Variants in PHLPP1 observed in about 807,000 individuals in gnomAD.
The protein encoded by PHLPP1 is PH domain leucine-rich repeat-containing protein phosphatase 1.
A neutral mutation model predicts 117.2 loss-of-function variants in PHLPP1; 42 were observed. The ratio of observed to expected loss-of-function variants is 0.36; its 90% CI spans 0.28 to 0.46. PHLPP1 has a LOEUF of 0.46. Among genes scored for constraint, PHLPP1 ranks in the 20% least tolerant of loss-of-function variants. PHLPP1 has a pLI of 1.00. For synonymous variants in PHLPP1, 1,042 were observed against 970.7 expected (o/e 1.07, Z -1.37); for missense variants, 2,084 against 2,241.9 (o/e 0.93, Z 1.42).
At chr18:62,866,960 T>C (rs1340366295) in intron 4 of PHLPP1, among the ~76,000 whole-genome samples, 1 of 152,230 alleles carries the variant, frequency 6.6e-6, no homozygotes, top group African/African-American at 2.4e-5. Context: ...GCTGATTGTC[T>C]TGTTGTCATT....
chr18:62,738,573 G>T (rs1375008752), intron 1 of PHLPP1, among the ~76,000 whole-genome samples: 1 of 152,080 alleles, frequency 6.6e-6, no homozygotes, highest in African/African-American at 2.4e-5. Context: ...TATCTTTTGG[G>T]GTGGGTGGTG....
intron 3 of PHLPP1, 75 bp downstream of exon 3, chr18:62,838,984 C>T (rs963308484): frequency 6.7e-7 from 1 of 1,495,088 alleles, no homozygotes; most frequent in Non-Finnish European, 9.2e-7. Context: ...TTAGCTGGGT[C>T]TAAAATATGG....
chr18:62,940,354 C>CTTTT lies in PHLPP1; in HGVS notation c.2961-1339_2961-1336dup, dbSNP rs66530466. 8.7e-3 allele frequency among the ~76,000 whole-genome samples: 407 copies of CTTTT among 46,912 alleles called. 15 individuals carry two copies. The highest frequency in any genetic ancestry group is 0.022 in the Middle Eastern group (1 of 46). The allele number at this position is 46,912 out of a possible 152,430, so 30.8% of individuals were successfully genotyped here. On this transcript the variant is annotated intron_variant, in intron 10 of 16. Coordinates refer to ENST00000262719, the MANE Select transcript of PHLPP1 (RefSeq NM_194449.4). ...ATCCACGTTTCTTTTTCTTTCTTTT[C>CTTTT]TTTTTTTTTTTTTTTTTTTTTTTTT... is the stretch of plus-strand genomic sequence containing the variant.
At chr18:62,960,728 C>T (rs115662725) in intron 13 of PHLPP1, among the ~76,000 whole-genome samples, 119 of 152,288 alleles carry the variant, frequency 7.8e-4, no homozygotes, top group African/African-American at 2.7e-3. Flanking sequence ...TTTGGTATTA[C>T]ACTCTTCTTA....
chr18:62,877,385 T>A (rs1347279076), intron 4 of PHLPP1, among the ~76,000 whole-genome samples: 2 of 152,244 alleles, frequency 1.3e-5, no homozygotes, highest in Non-Finnish European at 2.9e-5. Context: ...TTGATCGATT[T>A]AAACAGCAGC....
At chr18:62,972,119 G>A (rs553539270) in intron 14 of PHLPP1, among the ~76,000 whole-genome samples, 13 of 152,256 alleles carry the variant, frequency 8.5e-5, no homozygotes, top group South Asian at 6.2e-4. Context: ...TATAGGTTTC[G>A]TCTATTTTTC....
chr18:62,801,804 A>G (rs916221792), intron 1 of PHLPP1, among the ~76,000 whole-genome samples: 1 of 152,050 alleles, frequency 6.6e-6, no homozygotes, highest in Non-Finnish European at 1.5e-5. Context: ...AGTCATAGGC[A>G]TTTACCTTCT....
At chr18:62,831,000 A>G (rs1179520870) in intron 2 of PHLPP1, among the ~76,000 whole-genome samples, 1 of 152,178 alleles carries the variant, frequency 6.6e-6, no homozygotes, top group Non-Finnish European at 1.5e-5. Context: ...TAGTTTATTA[A>G]GTGCCTAGTT....
At chr18:62,899,911 C>T (rs536643290) in intron 6 of PHLPP1, among the ~76,000 whole-genome samples, 43 of 152,340 alleles carry the variant, frequency 2.8e-4, no homozygotes, top group Admixed American at 9.1e-4. Context: ...TCAAGTTGTT[C>T]TCCTGCCTTA....
chr18:62,819,611 G>C (rs183398097), intron 1 of PHLPP1, among the ~76,000 whole-genome samples: 132 of 152,242 alleles, frequency 8.7e-4, no homozygotes, highest in Non-Finnish European at 6.0e-4. Context: ...TTTAAAAAAA[G>C]AGGTAACTGC....
intron 1 of PHLPP1, among the ~76,000 whole-genome samples, chr18:62,743,570 G>T (rs1279997338): frequency 5.3e-5 from 8 of 152,098 alleles, no homozygotes; most frequent in Admixed American, 5.2e-4. Context: ...CGATGACACT[G>T]TTATTTTCTT....
intron 4 of PHLPP1, among the ~76,000 whole-genome samples, chr18:62,879,630 G>A (rs1263234148): frequency 6.6e-6 from 1 of 152,016 alleles, no homozygotes; most frequent in Non-Finnish European, 1.5e-5. Context: ...GGATGGTCTC[G>A]ATCTCCTGAC....
intron 4 of PHLPP1, among the ~76,000 whole-genome samples, chr18:62,892,107 T>TTTTTTTTTTTTA (rs1169764772): frequency 1.7e-5 from 2 of 117,810 alleles, no homozygotes; most frequent in African/African-American, 5.8e-5. Flanking sequence ...TTTTTTTTTT[T>TTTTTTTTTTTTA]TACGGAGTTT....
intron 1 of PHLPP1, among the ~76,000 whole-genome samples, chr18:62,802,414 A>T (rs1437856269): frequency 2.0e-5 from 3 of 152,128 alleles, no homozygotes; most frequent in Non-Finnish European, 4.4e-5. Context: ...GCATGTGGGG[A>T]TTAACACACC....
In PHLPP1 at chr18:62,814,160, T is replaced by C. The variant is rs540057886; in HGVS notation, c.1577-15875T>C. ...AGTGTCTATGGTAATTTGGGAGATA[T>C]AAATAAACCTAATCAAATTGAATAG... On this transcript the variant is annotated intron_variant, in intron 1 of 16. Transcript: ENST00000262719. Among the ~76,000 whole-genome samples the C allele has an allele frequency of 1.1e-4, 17 of 152,302 alleles. No individual in the cohort carries two copies. The South Asian group carries it at 3.3e-3, about 30-fold the overall frequency.
chr18:62,849,832 A>AAAATATAT (rs1555677083), intron 3 of PHLPP1, among the ~76,000 whole-genome samples: 12 of 33,094 alleles, frequency 3.6e-4, no homozygotes, highest in Non-Finnish European at 4.2e-4. Context: ...AAAAAAAAAA[A>AAAATATAT]ATATATATAT....
chr18:62,823,467 A>T (rs1049151480), intron 1 of PHLPP1, among the ~76,000 whole-genome samples: 1 of 151,836 alleles, frequency 6.6e-6, no homozygotes, highest in African/African-American at 2.4e-5. Flanking sequence ...AGGAGGCTTG[A>T]GGAGGGAGGA....
chr18:62,725,101 G>C (rs1330794833), intron 1 of PHLPP1, among the ~76,000 whole-genome samples: 2 of 152,162 alleles, frequency 1.3e-5, no homozygotes, highest in Non-Finnish European at 2.9e-5. Context: ...GCTCACACCT[G>C]TAATCCCAGC....
chr18:62,875,562 A>G (rs1916026182), intron 4 of PHLPP1, among the ~76,000 whole-genome samples: 2 of 151,962 alleles, frequency 1.3e-5, no homozygotes, highest in Non-Finnish European at 2.9e-5. Context: ...TCCCCCTCAG[A>G]GGTCATTACT....
Sources: gnomAD v4.1 joint callset for allele counts (sites outside exome capture counted in the v4.1 genomes callset) on GRCh38, gnomAD v4.1.1 for gene constraint, MANE v1.5 for transcripts, NCBI Gene and HGNC (gene_info 2026-07-23, HGNC 2026-07-21) for gene names.